CCDC110: variants seen among roughly 807,000 people sequenced by gnomAD.
CCDC110 encodes the protein coiled-coil domain-containing protein 110.
Under a neutral mutation model 77.1 loss-of-function variants are expected in CCDC110, and 70 were observed. That is an observed-to-expected ratio of 0.91 (90% CI 0.75 to 1.11). The LOEUF (loss-of-function observed/expected upper bound fraction) is 1.11, where lower values mean the gene tolerates loss of function less well. Ranked by LOEUF, CCDC110 falls within the 50% of genes least tolerant of loss-of-function variation. The pLI is 0.00. For synonymous variants in CCDC110, 295 were observed against 312.5 expected (o/e 0.94, Z 0.59); for missense variants, 868 against 942.9 (o/e 0.92, Z 1.04).
intron 6 of CCDC110, among the ~76,000 whole-genome samples, chr4:185,451,139 A>G (rs2095628568): frequency 6.6e-6 from 1 of 152,162 alleles, no homozygotes; most frequent in African/African-American, 2.4e-5. Flanking sequence ...CTTTTCTGCC[A>G]CCATGCAAGA....
Position 185,461,077 on chromosome 4 carries a change from A to G in CCDC110, c.320T>C (p.Val107Ala), listed in dbSNP as rs1480994738. The change falls in exon 5 of 7, where the codon GTG (valine) becomes GCG (alanine). Residue 107 changes from valine to alanine, a missense_variant. Val to Ala is a moderately conservative substitution (Grantham distance 64, BLOSUM62 0). Transcript: ENST00000307588. Reference sequence around the variant, plus strand: ...ATCCTTTTCAATGCGCGTGCCAAACACCAGATTTTTTTCTGAGCTAAATTG... The same window carrying G: ...ATCCTTTTCAATGCGCGTGCCAAACGCCAGATTTTTTTCTGAGCTAAATTG... ...NPQFSSEKNL[V>A]FGTRIEKDLP... 1 of 1,594,888 alleles carries G rather than the reference A, an allele frequency of 6.3e-7. No individual in the cohort carries two copies.
At chr4:185,447,247 T>G (rs1169009698) in intron 6 of CCDC110, among the ~76,000 whole-genome samples, 3 of 151,920 alleles carry the variant, frequency 2.0e-5, no homozygotes, top group African/African-American at 7.3e-5. Context: ...AGTGGCACGA[T>G]CTCGGCTCAC....
rs202074811 is a variant in CCDC110, at chr4:185,459,186, T to C, written c.1401A>G (p.Gln467=). 9.8e-5 allele frequency: 157 copies of C among 1,601,528 alleles called. No individual in the cohort carries two copies. The highest frequency in any genetic ancestry group is 8.3e-4 in the Middle Eastern group (5 of 5,996). The change falls in exon 6 of 7, where the codon CAA becomes CAG. Residue 467 remains glutamine (Q), a synonymous_variant. Coordinates refer to ENST00000307588, the MANE Select transcript of CCDC110 (RefSeq NM_152775.4). ...ATGTTTCAACTTTCTGTATGAGAGA[T>C]TGTGTGGTAAAGATAAGAGGTTTCA... ...SKMKPLIFTT[Q]SLIQKVETYE... is the part of the protein sequence containing the mutation.
At chr4:185,462,787 C>T in intron 3 of CCDC110, 79 bp from the exon 4 acceptor site, 2 of 1,285,644 alleles carry the variant, frequency 1.6e-6, no homozygotes, top group Non-Finnish European at 2.3e-6. Context: ...TTTTATGTCT[C>T]CCAAAGTTGC....
intron 6 of CCDC110, among the ~76,000 whole-genome samples, chr4:185,453,178 G>A (rs1230109077): frequency 2.0e-5 from 3 of 152,066 alleles, no homozygotes; most frequent in Non-Finnish European, 4.4e-5. Flanking sequence ...GGCCAGACTG[G>A]GCCACATGGT....
In CCDC110 at chr4:185,459,449, A is replaced by G. The variant is rs374422327; in HGVS notation, c.1138T>C (p.Tyr380His). Residue 380 changes from tyrosine (Y) to histidine (H), a missense_variant, in exon 6 of 7, where the codon TAC becomes CAC. By Grantham distance (83) the Tyr-to-His change is moderately conservative. Coordinates refer to ENST00000307588, the MANE Select transcript of CCDC110 (RefSeq NM_152775.4). ...DLKFHSRVPR[Y>H]TLSFLDQTKH... Reference sequence around the variant, plus strand: ...GTTTGGTCGAGGAAGGACAGTGTGTATCTTGGAACTCTGGAATGGAATTTT... The same window carrying G: ...GTTTGGTCGAGGAAGGACAGTGTGTGTCTTGGAACTCTGGAATGGAATTTT... 71 of 1,613,394 alleles carry G rather than the reference A, an allele frequency of 4.4e-5. No homozygotes were observed. The highest frequency in any genetic ancestry group is 5.4e-5 in the Non-Finnish European group (64 of 1,179,580).
chr4:185,449,547 A>T, intron 6 of CCDC110: 1 of 1,207,664 alleles, frequency 8.3e-7, no homozygotes, highest in Non-Finnish European at 1.2e-6. Context: ...ATGTACAGGT[A>T]TTTGACTTGC....
intron 6 of CCDC110, among the ~76,000 whole-genome samples, chr4:185,447,503 TTA>T (rs1468902155): frequency 3.9e-5 from 6 of 152,152 alleles, no homozygotes; most frequent in Non-Finnish European, 5.9e-5. Context: ...TTCAAAACAT[TTA>T]TCTCAATATG....
Position 185,459,623 on chromosome 4 carries a change from A to C in CCDC110, c.964T>G (p.Leu322Val). The change falls in exon 6 of 7, where the codon TTA (leucine) becomes GTA (valine). Residue 322 changes from leucine to valine, a missense_variant. Physicochemically the swap from Leu to Val is conservative, Grantham distance 32. Coordinates refer to ENST00000307588, the MANE Select transcript of CCDC110 (RefSeq NM_152775.4). ...GACACAGTTTCCCTGAAGGGGAGTA[A>C]TTTCTTCACTAATGCCTCTAATTCT... Reference protein sequence around the residue: ...ISELEALVKKLLPFRETVSKF... With the variant: ...ISELEALVKKVLPFRETVSKF... The C allele has an allele frequency of 4.3e-6, 7 of 1,612,472 alleles. No homozygotes were observed. The highest frequency in any genetic ancestry group is 5.9e-6 in the Non-Finnish European group (7 of 1,179,528).
At chr4:185,466,163 C>A (rs1231063603) in intron 2 of CCDC110, among the ~76,000 whole-genome samples, 2 of 152,042 alleles carry the variant, frequency 1.3e-5, no homozygotes, top group African/African-American at 4.8e-5. Context: ...ATCACGAGGT[C>A]AGGAGATCGA....
Position 185,445,372 on chromosome 4 carries a change from A to T in CCDC110, c.*130T>A, listed in dbSNP as rs376063499. On this transcript the variant is annotated 3_prime_UTR_variant, in exon 7 of 7. Transcript: ENST00000307588. ...TCTGCACCAAACCATTCTGTGCATA[A>T]TTTTTAAAGCAAATATATAGCGCCT... 6 of 802,616 alleles carry T rather than the reference A, an allele frequency of 7.5e-6. No homozygotes were observed. In the East Asian group the frequency reaches 1.5e-4, roughly 20 times the overall value. 49.7% of individuals were successfully genotyped at this position (802,616 alleles called of 1,614,324 possible).
At chr4:185,466,139 G>T (rs1157884611) in intron 2 of CCDC110, among the ~76,000 whole-genome samples, 2 of 152,100 alleles carry the variant, frequency 1.3e-5, no homozygotes, top group Non-Finnish European at 2.9e-5. Context: ...ACTTTGGGAG[G>T]CCTAGGCGGG....
rs199919515 is a variant in CCDC110, at chr4:185,458,448, T to G, written c.2139A>C (p.Thr713=). 7.5e-6 allele frequency: 12 copies of G among 1,598,612 alleles called. No homozygotes were observed. Among genetic ancestry groups the G allele is most frequent in the African/African-American group, 1.4e-5 (1 of 74,022 alleles). Residue 713 remains threonine, a synonymous_variant, in exon 6 of 7, where the codon ACA becomes ACC. Coordinates refer to ENST00000307588, the MANE Select transcript of CCDC110 (RefSeq NM_152775.4). ...GTTCTTCTTTTAGAATCTGATTATC[T>G]GTTTTGGTTTCCATTACCATTTTTG... ...MLSKMVMETK[T]DNQILKEELK... is the part of the protein sequence containing the mutation.
chr4:185,471,722 A>T lies in CCDC110; in HGVS notation c.-39T>A. The T allele has an allele frequency of 6.6e-7, 1 of 1,519,638 alleles. No individual in the cohort carries two copies. Among genetic ancestry groups the T allele is most frequent in the Non-Finnish European group, 8.8e-7 (1 of 1,136,760 alleles). 94.1% of individuals were successfully genotyped at this position (1,519,638 alleles called of 1,614,324 possible). A position where few individuals can be genotyped will look rare whatever the true frequency, so the allele number is the denominator to read the frequency against. On this transcript the variant is annotated 5_prime_UTR_variant, in exon 1 of 7. Transcript: ENST00000307588. Reference sequence around the variant, plus strand: ...CTCTCTCGCAACCGCCGCCGCACGCACCCGCTCCGCCGCCCCGCGCAGGGC... The same window carrying T: ...CTCTCTCGCAACCGCCGCCGCACGCTCCCGCTCCGCCGCCCCGCGCAGGGC...
chr4:185,452,190 A>G (rs2095630139), intron 6 of CCDC110: 2 of 985,098 alleles, frequency 2.0e-6, no homozygotes, highest in Admixed American at 6.1e-5. Flanking sequence ...AGACTCAGCC[A>G]TGACACTGGC....
intron 2 of CCDC110, among the ~76,000 whole-genome samples, chr4:185,465,839 G>A (rs955584945): frequency 3.0e-4 from 46 of 152,186 alleles, no homozygotes; most frequent in Non-Finnish European, 1.2e-4. Context: ...AGCATTGCTG[G>A]AGGATTCGTT....
In CCDC110 at chr4:185,452,778, G is replaced by A. The variant is rs529405087; in HGVS notation, c.2461+5348C>T. On this transcript the variant is annotated intron_variant, in intron 6 of 6. Coordinates refer to ENST00000307588, the MANE Select transcript of CCDC110 (RefSeq NM_152775.4). ...GGCATGGTGGTGGGCAACTGTAATCGCAGCTACTGGGGAAGCTGAGGCAGG... is the reference window on the plus strand; with the variant it reads ...GGCATGGTGGTGGGCAACTGTAATCACAGCTACTGGGGAAGCTGAGGCAGG... Among the ~76,000 whole-genome samples, 127 of 151,636 alleles carry A rather than the reference G, an allele frequency of 8.4e-4. 1 individual carries two copies. Among genetic ancestry groups the A allele is most frequent in the African/African-American group, 2.4e-3 (98 of 41,370 alleles).
chr4:185,449,594 A>G (rs1206061659), intron 6 of CCDC110: 11 of 1,533,630 alleles, frequency 7.2e-6, no homozygotes, highest in Non-Finnish European at 9.7e-6. Flanking sequence ...TTCCAATTTT[A>G]GGGCACTAAA....
intron 5 of CCDC110, chr4:185,460,750 A>G (rs62345632): frequency 0.013 from 4,494 of 334,920 alleles, 46 homozygotes; most frequent in Non-Finnish European, 0.019. Context: ...GACCTAGGTC[A>G]ATCCTAAGTG....
Sources: gnomAD v4.1 joint callset for allele counts (sites outside exome capture counted in the v4.1 genomes callset) on GRCh38, gnomAD v4.1.1 for gene constraint, MANE v1.5 for transcripts, NCBI Gene and HGNC (gene_info 2026-07-23, HGNC 2026-07-21) for gene names.